PCDHA12: variants seen among roughly 807,000 people sequenced by gnomAD.
PCDHA12 encodes the protein protocadherin alpha 12.
Under a neutral mutation model 60.0 loss-of-function variants are expected in PCDHA12, and 44 were observed. That is an observed-to-expected ratio of 0.73 (90% CI 0.58 to 0.94). The LOEUF (loss-of-function observed/expected upper bound fraction) is 0.94, where lower values mean the gene tolerates loss of function less well. PCDHA12 is among the 40% of genes least tolerant of loss of function. The pLI is 0.00. For synonymous variants in PCDHA12, 569 were observed against 553.0 expected, an observed-to-expected ratio of 1.03 and a Z score of -0.40; for missense variants, 1,276 against 1,239.7, an observed-to-expected ratio of 1.03 and a Z score of -0.44.
intron 1 of PCDHA12, among the ~76,000 whole-genome samples, chr5:140,944,386 T>C (rs1228891284): frequency 6.6e-6 from 1 of 152,054 alleles, no homozygotes; most frequent in Admixed American, 6.6e-5. Flanking sequence ...GGAGTCTCAC[T>C]GTGTTATCCA....
chr5:141,010,535 C>G lies in PCDHA12; in HGVS notation c.*598C>G, dbSNP rs1423355739. 1 of 386,620 alleles carries G rather than the reference C, an allele frequency of 2.6e-6. No homozygotes were observed. Among genetic ancestry groups the G allele is most frequent in the African/African-American group, 2.0e-5 (1 of 48,880 alleles). 23.9% of individuals were successfully genotyped at this position (386,620 alleles called of 1,614,324 possible). On this transcript the variant is annotated 3_prime_UTR_variant, in exon 4 of 4. Coordinates refer to ENST00000398631, the MANE Select transcript of PCDHA12 (RefSeq NM_018903.4). ...CAACTCAAGAGGTGGCAGCCACCCT[C>G]TAGGAGACAAAACTACCCCCACTGA...
At chr5:140,974,808 G>A (rs1229375180) in intron 1 of PCDHA12, among the ~76,000 whole-genome samples, 1 of 152,090 alleles carries the variant, frequency 6.6e-6, no homozygotes, top group Non-Finnish European at 1.5e-5. Context: ...TATACTAGAA[G>A]ACCAATATGC....
chr5:140,890,173 C>T (rs1188650558), intron 1 of PCDHA12, among the ~76,000 whole-genome samples: 4 of 152,114 alleles, frequency 2.6e-5, no homozygotes, highest in African/African-American at 7.2e-5. Context: ...CAGAAATAGG[C>T]AAATGCTACA....
intron 1 of PCDHA12, chr5:140,882,939 G>T: frequency 2.5e-6 from 4 of 1,614,164 alleles, no homozygotes; most frequent in Non-Finnish European, 3.4e-6. Context: ...GAGCTGACTG[G>T]CACAGTTCAG....
At chr5:140,955,705 T>G (rs1554222053) in intron 1 of PCDHA12, among the ~76,000 whole-genome samples, 1 of 152,232 alleles carries the variant, frequency 6.6e-6, no homozygotes, top group East Asian at 1.9e-4. Context: ...CAATGGAAGT[T>G]TAATAGGAAT....
At chr5:140,975,208 G>A (rs1449804050) in intron 1 of PCDHA12, among the ~76,000 whole-genome samples, 1 of 152,170 alleles carries the variant, frequency 6.6e-6, no homozygotes, top group African/African-American at 2.4e-5. Context: ...TTCATGGCTG[G>A]CACTGGAGAA....
rs1554167755 is a variant in PCDHA12, at chr5:140,875,559, C to A, written c.87C>A (p.Gly29=). ...TTGCAGCCTGGGAGGTGGGGAGCGG[C>A]CAGCTCCACTACTCCGTCTACGAGG... ...LLLAAWEVGS[G]QLHYSVYEEA... Residue 29 remains glycine, a synonymous_variant, in exon 1 of 4, where the codon GGC becomes GGA. Transcript: ENST00000398631. 1 of 1,614,138 alleles carries A rather than the reference C, an allele frequency of 6.2e-7. No homozygotes were observed. The highest frequency in any genetic ancestry group is 1.7e-5 in the Admixed American group (1 of 60,026).
intron 1 of PCDHA12, among the ~76,000 whole-genome samples, chr5:140,951,382 G>A (rs246042): frequency 0.56 from 85,615 of 151,810 alleles, 24,753 homozygotes; most frequent in African/African-American, 0.69. Context: ...CCCAAGACTC[G>A]GTAATTTATA....
chr5:140,923,529 A>C lies in PCDHA12; in HGVS notation c.2367+45690A>C, dbSNP rs915297152. Among the ~76,000 whole-genome samples the C allele has an allele frequency of 1.5e-4, 23 of 152,138 alleles. 1 individual carries two copies. The highest frequency in any genetic ancestry group is 1.2e-3 in the Admixed American group (19 of 15,268). On this transcript the variant is annotated intron_variant, in intron 1 of 3. Transcript: ENST00000398631. ...GGATGATGAAGTGAGATTCTGTCCC[A>C]AAAAAAGGACAAAATGAAATATCAG... is the stretch of plus-strand genomic sequence containing the variant.
intron 1 of PCDHA12, among the ~76,000 whole-genome samples, chr5:140,938,890 C>T (rs979482011): frequency 5.9e-5 from 9 of 152,080 alleles, no homozygotes; most frequent in Non-Finnish European, 8.8e-5. Flanking sequence ...CACACACACA[C>T]AGATGCGCAC....
chr5:140,998,243 C>T (rs1554256209), intron 3 of PCDHA12, among the ~76,000 whole-genome samples: 1 of 152,164 alleles, frequency 6.6e-6, no homozygotes, highest in Non-Finnish European at 1.5e-5. Context: ...CATTATTATA[C>T]TCATTTTACT....
At chr5:140,880,009 T>C (rs2058206618) in intron 1 of PCDHA12, among the ~76,000 whole-genome samples, 1 of 152,232 alleles carries the variant, frequency 6.6e-6, no homozygotes, top group African/African-American at 2.4e-5. Context: ...TTATTCACCA[T>C]ATAAAGTAAA....
intron 1 of PCDHA12, chr5:140,878,201 T>C (rs1157119125): frequency 6.1e-6 from 1 of 164,102 alleles, no homozygotes; most frequent in African/African-American, 2.4e-5. Context: ...GTTGCAAGAA[T>C]GGTACAAAGA....
intron 1 of PCDHA12, chr5:140,967,828 CATCGTGG>C: frequency 6.2e-7 from 1 of 1,614,146 alleles, no homozygotes. Flanking sequence ...TGCTGGTGGA[CATCGTGG>C]ACGTGAATGA....
intron 3 of PCDHA12, among the ~76,000 whole-genome samples, chr5:140,990,585 T>C (rs2097401437): frequency 6.6e-6 from 1 of 152,204 alleles, no homozygotes; most frequent in Non-Finnish European, 1.5e-5. Flanking sequence ...TCTTTTCCTA[T>C]AATCACCTGG....
chr5:140,918,899 C>G (rs2078917474), intron 1 of PCDHA12, among the ~76,000 whole-genome samples: 1 of 152,206 alleles, frequency 6.6e-6, no homozygotes, highest in African/African-American at 2.4e-5. Context: ...AAATAAATCT[C>G]TCTTGTTTAT....
At chr5:141,000,757 C>A (rs1236279352) in intron 3 of PCDHA12, among the ~76,000 whole-genome samples, 1 of 151,158 alleles carries the variant, frequency 6.6e-6, no homozygotes, top group Non-Finnish European at 1.5e-5. Flanking sequence ...AAAAAAAAAT[C>A]TTAGCCAGGC....
intron 1 of PCDHA12, among the ~76,000 whole-genome samples, chr5:140,950,547 TGGG>T (rs1385873509): frequency 6.6e-6 from 1 of 152,064 alleles, no homozygotes; most frequent in Non-Finnish European, 1.5e-5. Flanking sequence ...CTTGCATGGC[TGGG>T]GGGACACTTA....
At chr5:140,926,549 C>A in intron 1 of PCDHA12, 1 of 231,836 alleles carries the variant, frequency 4.3e-6, no homozygotes, top group Non-Finnish European at 8.2e-6. Flanking sequence ...GTGGTCGAGA[C>A]CCCAGCCCGC....
Sources: gnomAD v4.1 joint callset for allele counts (sites outside exome capture counted in the v4.1 genomes callset) on GRCh38, gnomAD v4.1.1 for gene constraint, MANE v1.5 for transcripts, NCBI Gene and HGNC (gene_info 2026-07-23, HGNC 2026-07-21) for gene names.